Variants in COMMD1 observed in about 807,000 individuals in gnomAD.
COMMD1 encodes COMM domain-containing protein 1.
In COMMD1, 10 loss-of-function variants were observed where a neutral mutation model predicts 17.2. The observed-to-expected ratio is 0.58, with a 90% CI of 0.36 to 0.99. COMMD1 has a LOEUF of 0.99. Ranked by LOEUF, COMMD1 falls within the 50% of genes least tolerant of loss-of-function variation. COMMD1 has a pLI of 0.01. For missense variants in COMMD1, 270 were observed against 231.8 expected (o/e 1.17, Z -1.07); for synonymous variants, 97 against 91.6 (o/e 1.06, Z -0.34).
At chr2:62,070,751 C>T (rs1671177555) in intron 2 of COMMD1, among the ~76,000 whole-genome samples, 1 of 152,032 alleles carries the variant, frequency 6.6e-6, no homozygotes, top group African/African-American at 2.4e-5. Context: ...AGAAATAGGC[C>T]AGGTGCAGTG....
intron 1 of COMMD1, among the ~76,000 whole-genome samples, chr2:61,924,389 T>G (rs1572966757): frequency 8.5e-5 from 6 of 70,398 alleles, no homozygotes; most frequent in Admixed American, 1.8e-4. Flanking sequence ...GGGGGATGGT[T>G]GGAGAGGGGG....
intron 2 of COMMD1, among the ~76,000 whole-genome samples, chr2:62,068,480 A>T (rs948418837): frequency 1.3e-5 from 2 of 151,748 alleles, no homozygotes; most frequent in Non-Finnish European, 2.9e-5. Flanking sequence ...ATTAGACTTC[A>T]TCAAAATTAA....
intron 1 of COMMD1, among the ~76,000 whole-genome samples, chr2:61,897,609 C>T (rs536381816): frequency 2.6e-5 from 4 of 152,120 alleles, no homozygotes; most frequent in South Asian, 2.1e-4. Context: ...ATTAGCTGGG[C>T]GTGGTGGTGC....
chr2:61,913,460 G>A (rs1669964397), intron 1 of COMMD1, among the ~76,000 whole-genome samples: 1 of 151,316 alleles, frequency 6.6e-6, no homozygotes. Context: ...GATGGATCAT[G>A]AGGTCAGGAG....
At chr2:62,090,034 C>T (rs1671781468) in intron 2 of COMMD1, among the ~76,000 whole-genome samples, 2 of 152,110 alleles carry the variant, frequency 1.3e-5, no homozygotes, top group South Asian at 4.2e-4. Context: ...ACAGTCTAAC[C>T]TGATGTAATA....
At chr2:62,003,832 A>G (rs1270329281) in intron 2 of COMMD1, among the ~76,000 whole-genome samples, 1 of 152,186 alleles carries the variant, frequency 6.6e-6, no homozygotes, top group Non-Finnish European at 1.5e-5. Flanking sequence ...TTTCGTTAAT[A>G]CTATCATAGG....
chr2:61,911,411 G>A lies in COMMD1; in HGVS notation c.180+5553G>A, dbSNP rs181516185. ...GAATGGCTTGAACCTGGGAGGTGGA[G>A]GTTGCAGTGAGCCGGGATGGCACCA... On this transcript the variant is annotated intron_variant, in intron 1 of 2. Transcript: ENST00000311832. Among the ~76,000 whole-genome samples, 7 of 152,240 alleles carry A rather than the reference G, an allele frequency of 4.6e-5. No individual in the cohort carries two copies. In the East Asian group the frequency reaches 1.2e-3, roughly 25 times the overall value.
intron 2 of COMMD1, among the ~76,000 whole-genome samples, chr2:62,037,606 A>G (rs1670076103): frequency 6.6e-6 from 1 of 152,160 alleles, no homozygotes; most frequent in Admixed American, 6.5e-5. Context: ...ATAACTTTTA[A>G]TGGTTTACAT....
intron 1 of COMMD1, among the ~76,000 whole-genome samples, chr2:61,997,958 G>A (rs568631605): frequency 6.6e-6 from 1 of 152,312 alleles, no homozygotes; most frequent in East Asian, 1.9e-4. Context: ...TCATCAAATA[G>A]CTAGATTTTC....
intron 2 of COMMD1, among the ~76,000 whole-genome samples, chr2:62,042,606 C>G (rs1303055000): frequency 1.3e-5 from 2 of 152,282 alleles, no homozygotes; most frequent in East Asian, 3.9e-4. Flanking sequence ...GTGCCTCTCC[C>G]TCCACACCTC....
chr2:62,018,667 G>T (rs183084485), intron 2 of COMMD1, among the ~76,000 whole-genome samples: 7 of 152,304 alleles, frequency 4.6e-5, no homozygotes, highest in Non-Finnish European at 8.8e-5. Flanking sequence ...AAATGACCTT[G>T]ACAGTCTTGA....
chr2:61,892,260 A>G (rs954931007), intron 1 of COMMD1, among the ~76,000 whole-genome samples: 3 of 152,086 alleles, frequency 2.0e-5, no homozygotes, highest in Non-Finnish European at 4.4e-5. Context: ...CAATTTCCTT[A>G]ATAATTTATG....
chr2:61,958,048 T>G (rs543289968), intron 1 of COMMD1, among the ~76,000 whole-genome samples: 98 of 152,312 alleles, frequency 6.4e-4, no homozygotes, highest in African/African-American at 2.1e-3. Context: ...CATTTTAAGT[T>G]CAGGGGTACA....
rs1177413475 is a variant in COMMD1 at position 61,963,220 on chromosome 2, C to T, written c.181-37481C>T. Reference sequence around the variant, plus strand: ...ACACACACACACACACACACACACACATATATACATATATACACACACACA... The same window carrying T: ...ACACACACACACACACACACACACATATATATACATATATACACACACACA... On this transcript the variant is annotated intron_variant, in intron 1 of 2. Coordinates refer to ENST00000311832, the MANE Select transcript of COMMD1 (RefSeq NM_152516.4). Among the ~76,000 whole-genome samples, 8 of 133,246 alleles carry T rather than the reference C, an allele frequency of 6.0e-5. No homozygotes were observed. The East Asian group carries it at 1.0e-3, about 17-fold the overall frequency. The allele number at this position is 133,246 out of a possible 152,430, so 87.4% of individuals were successfully genotyped here.
At chr2:61,906,142 G>A (rs971114807) in intron 1 of COMMD1, among the ~76,000 whole-genome samples, 12 of 152,160 alleles carry the variant, frequency 7.9e-5, no homozygotes. Flanking sequence ...GGTAACAGTC[G>A]CGTTTCCTCA....
intron 2 of COMMD1, among the ~76,000 whole-genome samples, chr2:62,001,745 AATTT>A (rs1285377271): frequency 6.6e-6 from 1 of 152,198 alleles, no homozygotes; most frequent in Non-Finnish European, 1.5e-5. Context: ...CTACAATAGA[AATTT>A]ATTTCTTACT....
At chr2:62,034,088 CAAA>C (rs34439318) in intron 2 of COMMD1, among the ~76,000 whole-genome samples, 4 of 62,570 alleles carry the variant, frequency 6.4e-5, no homozygotes, top group Admixed American at 1.9e-4. Context: ...GACCCTGTCT[CAAA>C]AAAAAAAAAA....
chr2:61,976,325 A>G (rs890722907), intron 1 of COMMD1, among the ~76,000 whole-genome samples: 1 of 152,156 alleles, frequency 6.6e-6, no homozygotes, highest in African/African-American at 2.4e-5. Flanking sequence ...AAAGATAAAG[A>G]TACACCATGC....
chr2:61,889,455 C>T (rs1039826356), intron 1 of COMMD1, among the ~76,000 whole-genome samples: 15 of 152,024 alleles, frequency 9.9e-5, no homozygotes, highest in African/African-American at 3.4e-4. Context: ...AAGCGGTCCA[C>T]CCTCCTCAGC....
Sources: gnomAD v4.1 joint callset for allele counts (sites outside exome capture counted in the v4.1 genomes callset) on GRCh38, gnomAD v4.1.1 for gene constraint, MANE v1.5 for transcripts, NCBI Gene and HGNC (gene_info 2026-07-23, HGNC 2026-07-21) for gene names.